Variants in PPFIBP2 observed in about 807,000 individuals in gnomAD.
PPFIBP2 encodes liprin-beta-2.
PPFIBP2 carries 118 observed loss-of-function variants against 118.3 expected under a neutral mutation model. The observed-to-expected ratio is 1.00, with a 90% CI of 0.86 to 1.16. The LOEUF is 1.16. Ranked by LOEUF, PPFIBP2 falls within the 50% of genes most tolerant of loss-of-function variation. The probability of loss-of-function intolerance (pLI) is 0.00; values close to 1 mark genes in which losing one functional copy is unlikely to be tolerated. For missense variants in PPFIBP2, 1,195 were observed against 1,073.1 expected, an observed-to-expected ratio of 1.11 and a Z score of -1.59; for synonymous variants, 414 against 397.4, an observed-to-expected ratio of 1.04 and a Z score of -0.50.
intron 1 of PPFIBP2, among the ~76,000 whole-genome samples, chr11:7,533,828 G>A (rs544395996): frequency 1.4e-4 from 22 of 152,332 alleles, no homozygotes; most frequent in African/African-American, 5.1e-4. Flanking sequence ...TAGCGGGGAA[G>A]GTTAACTGTA....
At chr11:7,565,479 C>A in intron 2 of PPFIBP2, 74 bp from the exon 3 acceptor site, 1 of 1,486,770 alleles carries the variant, frequency 6.7e-7, no homozygotes, top group Non-Finnish European at 9.4e-7. Context: ...TTCTTCACCA[C>A]CTTTGCTCTT....
intron 10 of PPFIBP2, 74 bp downstream of exon 10, chr11:7,629,608 T>A: frequency 7.0e-7 from 1 of 1,422,976 alleles, no homozygotes; most frequent in Non-Finnish European, 9.9e-7. Context: ...GGGGCAGTTC[T>A]GCTAGCAGCT....
downstream of PPFIBP2, among the ~76,000 whole-genome samples, chr11:7,654,962 GAGA>G (rs1854546498): frequency 1.3e-5 from 2 of 152,292 alleles, no homozygotes; most frequent in African/African-American, 4.8e-5. Flanking sequence ...AGCATTACCT[GAGA>G]AGGAGGGGCA....
At chr11:7,536,868 A>G (rs575621450) in intron 1 of PPFIBP2, among the ~76,000 whole-genome samples, 3 of 152,232 alleles carry the variant, frequency 2.0e-5, no homozygotes, top group East Asian at 3.9e-4. Context: ...AGAGCCAGGG[A>G]GAGAGCCTCC....
At position 7,641,517 on chromosome 11, in the gene PPFIBP2, A is replaced by C. The variant is rs1852191895; in HGVS notation, c.1414A>C (p.Asn472His). The C allele has an allele frequency of 6.8e-6, 11 of 1,613,776 alleles. No individual in the cohort carries two copies. The South Asian group carries it at 1.2e-4, about 18-fold the overall frequency. The change falls in exon 16 of 24, where the codon AAT (asparagine) becomes CAT (histidine). Residue 472 changes from asparagine (N) to histidine (H), a missense_variant. Asn to His is a moderately conservative substitution (Grantham distance 68). Coordinates refer to ENST00000299492, the MANE Select transcript of PPFIBP2 (RefSeq NM_003621.5). ...TGGCTGGGACGACACTGCTGTGGTC[A>C]ATGACCTCTCATCCACATCATCGGG... The part of the protein sequence containing the change: ...ESGWDDTAVV[N>H]DLSSTSSGTE...
chr11:7,653,856 C>T, downstream of PPFIBP2: 1 of 1,119,060 alleles, frequency 8.9e-7, no homozygotes, highest in Non-Finnish European at 1.1e-6. Context: ...GCCGGTGGCA[C>T]TGAGCCTAGT....
chr11:7,577,328 T>TGCGTGTGTGTGTGTGC (rs139232467), intron 3 of PPFIBP2: 13 of 283,184 alleles, frequency 4.6e-5, no homozygotes, highest in East Asian at 1.8e-4. Flanking sequence ...TGCGTGTGTG[T>TGCGTGTGTGTGTGTGC]GTGTGTGTGT....
chr11:7,609,476 G>C (rs34957273), intron 5 of PPFIBP2, among the ~76,000 whole-genome samples: 18,802 of 152,164 alleles, frequency 0.12, 1,453 homozygotes, highest in African/African-American at 0.21. Flanking sequence ...CCTGATTTTT[G>C]AGGTCCTTTA....
At chr11:7,606,779 T>C (rs982033642) in intron 5 of PPFIBP2, among the ~76,000 whole-genome samples, 2 of 151,014 alleles carry the variant, frequency 1.3e-5, no homozygotes, top group Non-Finnish European at 2.9e-5. Flanking sequence ...TTGGCAATGA[T>C]GGAAGCAGAG....
intron 23 of PPFIBP2, among the ~76,000 whole-genome samples, 160 bp downstream of exon 23, chr11:7,652,004 T>C (rs566225398): frequency 8.5e-5 from 13 of 152,340 alleles, no homozygotes; most frequent in African/African-American, 3.1e-4. Context: ...AGGCCAGTCT[T>C]TGTTAAGCCA....
chr11:7,630,866 G>A (rs2135752268), intron 10 of PPFIBP2, 59 bp from the exon 11 acceptor site: 3 of 1,233,166 alleles, frequency 2.4e-6, no homozygotes, highest in Non-Finnish European at 3.6e-6. Context: ...TTTGTGGTAC[G>A]ATTATAGGTT....
intron 1 of PPFIBP2, among the ~76,000 whole-genome samples, chr11:7,544,795 A>AC (rs1564956772): frequency 1.3e-5 from 2 of 151,482 alleles, no homozygotes; most frequent in Admixed American, 1.3e-4. Context: ...AAAAAAAAAA[A>AC]AAATCTACTT....
intron 5 of PPFIBP2, among the ~76,000 whole-genome samples, chr11:7,607,209 CTTT>C (rs55981312): frequency 1.2e-4 from 14 of 119,998 alleles, no homozygotes; most frequent in African/African-American, 9.6e-5. Context: ...CGCGCCCGGC[CTTT>C]TTTTTTTTTT....
intron 3 of PPFIBP2, among the ~76,000 whole-genome samples, chr11:7,568,680 G>A (rs891820334): frequency 6.6e-6 from 1 of 152,210 alleles, no homozygotes; most frequent in African/African-American, 2.4e-5. Context: ...ACAGCTCAGA[G>A]TGACTGCCAC....
intron 6 of PPFIBP2, among the ~76,000 whole-genome samples, chr11:7,613,949 C>T (rs981317594): frequency 2.6e-5 from 4 of 152,184 alleles, no homozygotes; most frequent in Non-Finnish European, 5.9e-5. Flanking sequence ...AAAATGGAAA[C>T]ATCTCACAGC....
chr11:7,610,408 C>G lies in PPFIBP2; in HGVS notation c.604C>G (p.Gln202Glu), dbSNP rs767489388. ...GGAGCAGAGAGAGCAGGAGGAGAAG[C>G]AGAGAAAAGCAGAGGTAAGGGTGAG... ...EKEQREQEEK[Q>E]RKAEELLQEL... is the part of the protein sequence containing the mutation. The change falls in exon 6 of 24, where the codon CAG (glutamine) becomes GAG (glutamate). Residue 202 changes from glutamine (Q) to glutamate (E), a missense_variant. Coordinates refer to ENST00000299492, the MANE Select transcript of PPFIBP2 (RefSeq NM_003621.5). The G allele has an allele frequency of 2.5e-6, 4 of 1,613,712 alleles. No homozygotes were observed. The highest frequency in any genetic ancestry group is 8.5e-7 in the Non-Finnish European group (1 of 1,179,936).
At chr11:7,579,999 T>G (rs952397147) in intron 3 of PPFIBP2, among the ~76,000 whole-genome samples, 1 of 151,974 alleles carries the variant, frequency 6.6e-6, no homozygotes, top group Non-Finnish European at 1.5e-5. Context: ...GTGACCCCAG[T>G]GATGAGCCCC....
intron 4 of PPFIBP2, among the ~76,000 whole-genome samples, chr11:7,593,884 T>C (rs181171447): frequency 1.3e-5 from 2 of 152,268 alleles, no homozygotes; most frequent in Non-Finnish European, 2.9e-5. Flanking sequence ...CCCAGCACTT[T>C]GCTGTGTTAG....
rs1362780248 is a variant in PPFIBP2, at chr11:7,616,187, G to GA, written c.619-4742dup. On this transcript the variant is annotated intron_variant, in intron 6 of 23. Coordinates refer to ENST00000299492, the MANE Select transcript of PPFIBP2 (RefSeq NM_003621.5). The surrounding 1 kb of genome is among the most constrained non-coding windows in gnomAD (Gnocchi z 5.2). ...CCACACACAGTTATGTTCTTAAAAA[G>GA]AAAAAATGGACTTGATTCCATGGAT... Among the ~76,000 whole-genome samples, 1 of 151,944 alleles carries GA rather than the reference G, an allele frequency of 6.6e-6. No homozygotes were observed. The highest frequency in any genetic ancestry group is 1.5e-5 in the Non-Finnish European group (1 of 67,974).
Sources: gnomAD v4.1 joint callset for allele counts (sites outside exome capture counted in the v4.1 genomes callset) on GRCh38, gnomAD v4.1.1 for gene constraint, Gnocchi (gnomAD v3.1) non-coding constraint, MANE v1.5 for transcripts, NCBI Gene and HGNC (gene_info 2026-07-23, HGNC 2026-07-21) for gene names.